ADAM30: variants seen among roughly 807,000 people sequenced by gnomAD.
ADAM30 encodes ADAM metallopeptidase domain 30.
For missense variants in ADAM30, 960 were observed against 959.4 expected (o/e 1.00, Z -0.01); for synonymous variants, 382 against 340.9 (o/e 1.12, Z -1.33).
chr1:119,895,178 T>A lies in ADAM30; in HGVS notation c.1159A>T (p.Thr387Ser). 6.2e-7 allele frequency: 1 copy of A among 1,614,222 alleles called. No homozygotes were observed. Among genetic ancestry groups the A allele is most frequent in the Non-Finnish European group, 8.5e-7 (1 of 1,180,046 alleles). The change falls in exon 1 of 1, where the codon ACA becomes TCA. Residue 387 changes from threonine to serine, a missense_variant. Physicochemically the swap from Thr to Ser is moderately conservative, Grantham distance 58. Transcript: ENST00000369400. ...SFFKHISSGATCLNNIPGLGY... is the reference protein window; with the variant it reads ...SFFKHISSGASCLNNIPGLGY... ...AGTCCTGGGATATTATTTAGACATGTTGCTCCCGAAGAGATATGTTTAAAA... is the reference window on the plus strand; with the variant it reads ...AGTCCTGGGATATTATTTAGACATGATGCTCCCGAAGAGATATGTTTAAAA...
At position 119,896,330 on chromosome 1, in the gene ADAM30, A is replaced by G. The variant is rs1648589587; in HGVS notation, c.7T>C (p.Ser3Pro). The change falls in exon 1 of 1, where the codon TCA (serine) becomes CCA (proline). Residue 3 changes from serine (S) to proline (P), a missense_variant. Coordinates refer to ENST00000369400, the MANE Select transcript of ADAM30 (RefSeq NM_021794.4). ...CATTGGGAGAGGAAGATCTGCACTGACCTCATGGTCTGTTCCCTACTCAGC... is the reference window on the plus strand; with the variant it reads ...CATTGGGAGAGGAAGATCTGCACTGGCCTCATGGTCTGTTCCCTACTCAGC... MR[S>P]VQIFLSQCRL... The G allele has an allele frequency of 6.3e-7, 1 of 1,574,938 alleles. No individual in the cohort carries two copies. Among genetic ancestry groups the G allele is most frequent in the South Asian group, 1.2e-5 (1 of 83,052 alleles).
chr1:119,896,484 A>G lies in ADAM30; in HGVS notation c.-148T>C. 2 of 1,318,554 alleles carry G rather than the reference A, an allele frequency of 1.5e-6. No homozygotes were observed. The highest frequency in any genetic ancestry group is 1.5e-5 in the African/African-American group (1 of 67,574). 81.7% of individuals were successfully genotyped at this position (1,318,554 alleles called of 1,614,324 possible). ...TTTCCGGGGGAGCCCGTAGCCTCCC[A>G]GGGCTCGGTCTAGCTGGCGTCCGCA... is the stretch of plus-strand genomic sequence containing the variant. On this transcript the variant is annotated 5_prime_UTR_variant, in exon 1 of 1. Coordinates refer to ENST00000369400, the MANE Select transcript of ADAM30 (RefSeq NM_021794.4).
rs1031204471 is a variant in ADAM30, at chr1:119,895,755, G to A, written c.582C>T (p.Asp194=). Residue 194 remains aspartate, a synonymous_variant, in exon 1 of 1, where the codon GAC becomes GAT. Coordinates refer to ENST00000369400, the MANE Select transcript of ADAM30 (RefSeq NM_021794.4). ...APYENKARLR[D]FPGSYKHPKY... is the part of the protein sequence containing the mutation. ...TTGGGTGTTTATAGGATCCAGGAAA[G>A]TCCCTTAGCCTCGCCTTATTCTCAT... 2.5e-6 allele frequency: 4 copies of A among 1,614,096 alleles called. No homozygotes were observed. Among genetic ancestry groups the A allele is most frequent in the South Asian group, 1.1e-5 (1 of 91,058 alleles).
Position 119,894,211 on chromosome 1 carries a change from C to G in ADAM30, c.2126G>C (p.Arg709Pro). Residue 709 changes from arginine (R) to proline (P), a missense_variant, in exon 1 of 1, where the codon CGG becomes CCG. By Grantham distance (103) the Arg-to-Pro change is moderately radical. Transcript: ENST00000369400. ...TTTTAAGTGGTTTCCTATCACTTGCCGGAAAAACACAAAAACCACTGAAAG... is the reference window on the plus strand; with the variant it reads ...TTTTAAGTGGTTTCCTATCACTTGCGGGAAAAACACAAAAACCACTGAAAG... ...LILSVVFVFF[R>P]QVIGNHLKPK... The G allele has an allele frequency of 2.5e-6, 4 of 1,613,468 alleles. No homozygotes were observed. The highest frequency in any genetic ancestry group is 3.4e-6 in the Non-Finnish European group (4 of 1,179,894).
Position 119,895,350 on chromosome 1 carries a change from G to A in ADAM30, c.987C>T (p.Ile329=). The change falls in exon 1 of 1, where the codon ATC becomes ATT. Residue 329 remains isoleucine, a synonymous_variant. Coordinates refer to ENST00000369400, the MANE Select transcript of ADAM30 (RefSeq NM_021794.4). Reference sequence around the variant, plus strand: ...GAGCAGACCAGGTAGCAGGGGCAAGGATATTTGTATCTAGTAAAGTACTCA... The same window carrying A: ...GAGCAGACCAGGTAGCAGGGGCAAGAATATTTGTATCTAGTAAAGTACTCA... ...GSVSTLLDTN[I]LAPATWSAHE... is the part of the protein sequence containing the mutation. 6.2e-7 allele frequency: 1 copy of A among 1,614,130 alleles called. No homozygotes were observed. The highest frequency in any genetic ancestry group is 8.5e-7 in the Non-Finnish European group (1 of 1,180,034).
chr1:119,893,623 T>C lies in ADAM30; in HGVS notation c.*341A>G. On this transcript the variant is annotated 3_prime_UTR_variant, in exon 1 of 1. Transcript: ENST00000369400. ...GGAGGCAGAGGGAGAGGCAGACAAT[T>C]GCTTTGTTCCCTGGGATTCTGAGAA... 3.5e-6 allele frequency: 1 copy of C among 282,304 alleles called. No homozygotes were observed. The allele number at this position is 282,304 out of a possible 1,614,324, so 17.5% of individuals were successfully genotyped here.
Position 119,895,764 on chromosome 1 carries a change from C to A in ADAM30, c.573G>T (p.Arg191Ser). Residue 191 changes from arginine to serine, a missense_variant, in exon 1 of 1, where the codon AGG becomes AGT. By Grantham distance (110) the Arg-to-Ser change is moderately radical. Coordinates refer to ENST00000369400, the MANE Select transcript of ADAM30 (RefSeq NM_021794.4). ...TATAGGATCCAGGAAAGTCCCTTAG[C>A]CTCGCCTTATTCTCATAAGGGGCCA... ...WQMAPYENKA[R>S]LRDFPGSYKH... The A allele has an allele frequency of 6.2e-7, 1 of 1,614,066 alleles. No homozygotes were observed. The highest frequency in any genetic ancestry group is 8.5e-7 in the Non-Finnish European group (1 of 1,179,998).
In ADAM30 at chr1:119,894,491, G is replaced by A. The variant is rs374077889; in HGVS notation, c.1846C>T (p.Arg616Trp). 2.3e-5 allele frequency: 37 copies of A among 1,613,846 alleles called. No homozygotes were observed. Among genetic ancestry groups the A allele is most frequent in the African/African-American group, 2.0e-4 (15 of 74,880 alleles). The change falls in exon 1 of 1, where the codon CGG becomes TGG. Residue 616 changes from arginine to tryptophan, a missense_variant. Physicochemically the swap from Arg to Trp is moderately radical, Grantham distance 101. Transcript: ENST00000369400. ...INDGTSCGEG[R>W]VCFKKNCVNS... ...ACGCAATTTTTTTTAAAACATACCC[G>A]GCCTTCTCCACAGGAGGTGCCATCA...
Position 119,895,185 on chromosome 1 carries a change from C to T in ADAM30, c.1152G>A (p.Ser384=), listed in dbSNP as rs141390897. Reference sequence around the variant, plus strand: ...GGATATTATTTAGACATGTTGCTCCCGAAGAGATATGTTTAAAAAAAGAGA... The same window carrying T: ...GGATATTATTTAGACATGTTGCTCCTGAAGAGATATGTTTAAAAAAAGAGA... The part of the protein sequence containing the change: ...SYISFFKHIS[S]GATCLNNIPG... The change falls in exon 1 of 1, where the codon TCG becomes TCA. Residue 384 remains serine, a synonymous_variant. Coordinates refer to ENST00000369400, the MANE Select transcript of ADAM30 (RefSeq NM_021794.4). 2.7e-4 allele frequency: 442 copies of T among 1,614,072 alleles called. 3 individuals carry two copies. In the East Asian group the frequency reaches 7.2e-3, roughly 26 times the overall value.
rs145449253 is a variant in ADAM30, at chr1:119,893,547, T to C, written c.*417A>G. 1.1e-5 allele frequency: 2 copies of C among 189,950 alleles called. No individual in the cohort carries two copies. The highest frequency in any genetic ancestry group is 4.7e-5 in the African/African-American group (2 of 42,408). The allele number at this position is 189,950 out of a possible 1,614,324, so 11.8% of individuals were successfully genotyped here. On this transcript the variant is annotated 3_prime_UTR_variant, in exon 1 of 1. Transcript: ENST00000369400. ...TATTCATAAAATGTGTTGTCGGCATTTATTGATCAGCATGGGTGCAGGTGC... is the reference window on the plus strand; with the variant it reads ...TATTCATAAAATGTGTTGTCGGCATCTATTGATCAGCATGGGTGCAGGTGC...
At position 119,895,192 on chromosome 1, in the gene ADAM30, A is replaced by AT. The variant is rs774505840; in HGVS notation, c.1144dup (p.Ile382AsnfsTer10). The AT allele has an allele frequency of 1.2e-6, 2 of 1,614,188 alleles. No individual in the cohort carries two copies. Among genetic ancestry groups the AT allele is most frequent in the Non-Finnish European group, 1.7e-6 (2 of 1,180,044 alleles). ...ATTTAGACATGTTGCTCCCGAAGAG[A>AT]TATGTTTAAAAAAAGAGATATAACT... On this transcript the variant is annotated frameshift_variant, in exon 1 of 1. Coordinates refer to ENST00000369400, the MANE Select transcript of ADAM30 (RefSeq NM_021794.4). LOFTEE classifies it low-confidence loss of function (END_TRUNC).
In ADAM30 at chr1:119,895,503, T is replaced by C. The variant is rs1571136112; in HGVS notation, c.834A>G (p.Ile278Met). 2 of 1,613,874 alleles carry C rather than the reference T, an allele frequency of 1.2e-6. No homozygotes were observed. Among genetic ancestry groups the C allele is most frequent in the Non-Finnish European group, 1.7e-6 (2 of 1,180,028 alleles). ...ELAEVLGRFV[I>M]YKKSVLNARL... Reference sequence around the variant, plus strand: ...GAGCATTTAATACACTTTTTTTATATATTACAAATCTGCCTAAAACTTCAG... The same window carrying C: ...GAGCATTTAATACACTTTTTTTATACATTACAAATCTGCCTAAAACTTCAG... Residue 278 changes from isoleucine (I) to methionine (M), a missense_variant, in exon 1 of 1, where the codon ATA (isoleucine) becomes ATG (methionine). Transcript: ENST00000369400.
chr1:119,895,450 TATAA>T lies in ADAM30; in HGVS notation c.883_886del (p.Leu295IlefsTer20), dbSNP rs1648553562. On this transcript the variant is annotated frameshift_variant, in exon 1 of 1. Transcript: ENST00000369400. LOFTEE classifies it low-confidence loss of function (END_TRUNC). The stretch of plus-strand genomic sequence containing the variant: ...AGCATCATTATATTTTCTTTGAAGA[TATAA>T]ATGTGCCCAATCTGATGACAGGCGA... The T allele has an allele frequency of 6.2e-7, 1 of 1,613,810 alleles. No homozygotes were observed. Among genetic ancestry groups the T allele is most frequent in the African/African-American group, 1.3e-5 (1 of 74,906 alleles).
At position 119,896,184 on chromosome 1, in the gene ADAM30, G is replaced by A; in HGVS notation, c.153C>T (p.Phe51=). 3 of 1,614,170 alleles carry A rather than the reference G, an allele frequency of 1.9e-6. No individual in the cohort carries two copies. The highest frequency in any genetic ancestry group is 2.5e-6 in the Non-Finnish European group (3 of 1,180,034). The change falls in exon 1 of 1, where the codon TTC becomes TTT. Residue 51 remains phenylalanine (F), a synonymous_variant. Transcript: ENST00000369400. ...TGACCACACCCTGCACCTCTCCCCG[G>A]AAGCTCAGCTTCTCAGGAATGGTGA... The part of the protein sequence containing the change: ...YEVTIPEKLS[F]RGEVQGVVSP...
rs1160401065 is a variant in ADAM30, at chr1:119,894,740, A to G, written c.1597T>C (p.Phe533Leu). The change falls in exon 1 of 1, where the codon TTT becomes CTT. Residue 533 changes from phenylalanine (F) to leucine (L), a missense_variant. Transcript: ENST00000369400. Reference protein sequence around the residue: ...YDAVNLIGDQFGNCEITGIRN... With the variant: ...YDAVNLIGDQLGNCEITGIRN... Reference sequence around the variant, plus strand: ...ATTCCTGTAATCTCACAGTTACCAAATTGATCACCTATTAAGTTAACTGCA... The same window carrying G: ...ATTCCTGTAATCTCACAGTTACCAAGTTGATCACCTATTAAGTTAACTGCA... 6.2e-7 allele frequency: 1 copy of G among 1,614,090 alleles called. No individual in the cohort carries two copies. Among genetic ancestry groups the G allele is most frequent in the African/African-American group, 1.3e-5 (1 of 74,936 alleles).
rs1163881163 is a variant in ADAM30, at chr1:119,894,906, G to T, written c.1431C>A (p.Cys477Ter). The stretch of plus-strand genomic sequence containing the variant: ...CATCCTGCTTATAAACGTCATTTGG[G>T]CAGGAACTTGAATTCCCGTCGCAGT... Reference protein sequence around the residue: ...AEYCDGNSSSCPNDVYKQDGT... With the variant: ...AEYCDGNSSS Residue 477 changes from cysteine to a stop codon, truncating the protein, a stop_gained, in exon 1 of 1, where the codon TGC (cysteine) becomes TGA (stop). Coordinates refer to ENST00000369400, the MANE Select transcript of ADAM30 (RefSeq NM_021794.4). LOFTEE classifies it low-confidence loss of function (END_TRUNC). 9.3e-6 allele frequency: 15 copies of T among 1,614,140 alleles called. No individual in the cohort carries two copies. Among genetic ancestry groups the T allele is most frequent in the Non-Finnish European group, 1.3e-5 (15 of 1,180,026 alleles).
Position 119,893,928 on chromosome 1 carries a change from T to A in ADAM30, c.*36A>T. ...ATAAATGATTAGCTGGTTAAATAAA[T>A]GAGCCTGTGTTACTGAATGAGTATG... On this transcript the variant is annotated 3_prime_UTR_variant, in exon 1 of 1. Transcript: ENST00000369400. 6.4e-7 allele frequency: 1 copy of A among 1,561,234 alleles called. No homozygotes were observed. Among genetic ancestry groups the A allele is most frequent in the East Asian group, 2.2e-5 (1 of 44,578 alleles).
In ADAM30 at chr1:119,895,024, T is replaced by C. The variant is rs755650418; in HGVS notation, c.1313A>G (p.Asn438Ser). 17 of 1,614,182 alleles carry C rather than the reference T, an allele frequency of 1.1e-5. 1 individual carries two copies. The East Asian group carries it at 2.0e-4, about 19-fold the overall frequency. Residue 438 changes from asparagine (N) to serine (S), a missense_variant, in exon 1 of 1, where the codon AAC (asparagine) becomes AGC (serine). Physicochemically the swap from Asn to Ser is conservative, Grantham distance 46. Transcript: ENST00000369400. ...QSNCKLQPGA[N>S]CSIGLCCHDC... ...ATGACAGCAAAGTCCAATGCTACAG[T>C]TGGCACCTGGTTGCAACTTACAATT...
Position 119,895,320 on chromosome 1 carries a change from C to G in ADAM30, c.1017G>C (p.Glu339Asp). Residue 339 changes from glutamate to aspartate, a missense_variant, in exon 1 of 1, where the codon GAG becomes GAC. Coordinates refer to ENST00000369400, the MANE Select transcript of ADAM30 (RefSeq NM_021794.4). ...ILAPATWSAH[E>D]LGHAVGMSHD... ...GTGACATTCCTACAGCATGACCCAG[C>G]TCATGAGCAGACCAGGTAGCAGGGG... 6.2e-7 allele frequency: 1 copy of G among 1,614,168 alleles called. No homozygotes were observed. The highest frequency in any genetic ancestry group is 8.5e-7 in the Non-Finnish European group (1 of 1,180,038).
Sources: gnomAD v4.1 joint callset for allele counts on GRCh38, gnomAD v4.1.1 for gene constraint, MANE v1.5 for transcripts, NCBI Gene and HGNC (gene_info 2026-07-23, HGNC 2026-07-21) for gene names.